Variants in DGKB observed in about 807,000 individuals in gnomAD.
DGKB encodes diacylglycerol kinase beta.
In DGKB, 67 loss-of-function variants were observed where a neutral mutation model predicts 114.3. The ratio of observed to expected loss-of-function variants is 0.59; its 90% CI spans 0.48 to 0.72. The LOEUF is 0.72. Ranked by LOEUF, DGKB falls within the 30% of genes least tolerant of loss-of-function variation. The pLI, the probability that DGKB is intolerant of heterozygous loss-of-function variation, is 0.00. For missense variants in DGKB, 907 were observed against 975.2 expected, an observed-to-expected ratio of 0.93 and a Z score of 0.93; for synonymous variants, 398 against 323.1, an observed-to-expected ratio of 1.23 and a Z score of -2.49.
At chr7:14,280,484 C>T (rs1409144656) in intron 23 of DGKB, among the ~76,000 whole-genome samples, 4 of 150,238 alleles carry the variant, frequency 2.7e-5, no homozygotes, top group African/African-American at 7.3e-5. Flanking sequence ...GGCAGGCCAA[C>T]ATTCAGATTC....
Position 14,406,130 on chromosome 7 carries a change from T to C in DGKB, c.1836-60739A>G, listed in dbSNP as rs555156308. Among the ~76,000 whole-genome samples the C allele has an allele frequency of 2.6e-5, 4 of 152,070 alleles. No individual in the cohort carries two copies. In the South Asian group the frequency reaches 6.2e-4, roughly 24 times the overall value. ...GCTGCCCCAGAGGGAGAAGGAGAGA[T>C]ACCTTGAAAATTTCCCTTAATCCCT... On this transcript the variant is annotated intron_variant, in intron 21 of 25. Coordinates refer to ENST00000402815, the MANE Select transcript of DGKB (RefSeq NM_001350709.2).
intron 13 of DGKB, among the ~76,000 whole-genome samples, chr7:14,662,728 T>A (rs1179948250): frequency 6.6e-6 from 1 of 151,936 alleles, no homozygotes; most frequent in African/African-American, 2.4e-5. Flanking sequence ...CATGGTATAT[T>A]CAGGTTAACT....
intron 20 of DGKB, among the ~76,000 whole-genome samples, chr7:14,489,510 A>G (rs1184849706): frequency 1.3e-5 from 2 of 152,202 alleles, no homozygotes; most frequent in African/African-American, 2.4e-5. Context: ...TATTCATTCA[A>G]TCTGATAAAA....
chr7:14,284,493 C>T (rs1800507223), intron 23 of DGKB, among the ~76,000 whole-genome samples: 1 of 145,124 alleles, frequency 6.9e-6, no homozygotes, highest in Non-Finnish European at 1.5e-5. Context: ...CCATTTGACC[C>T]AGCCATCCTA....
rs397732601 is a variant in DGKB at position 14,868,340 on chromosome 7, AT to A, written c.-187-26891del. 1.9e-3 allele frequency among the ~76,000 whole-genome samples: 274 copies of A among 144,420 alleles called. 2 individuals are homozygous for A. In the East Asian group the frequency reaches 0.022, roughly 12 times the overall value. 94.7% of individuals were successfully genotyped at this position (144,420 alleles called of 152,430 possible). The stretch of plus-strand genomic sequence containing the variant: ...AGACTTTCTTTTTTCTTTCCTTTTC[AT>A]TTTTTTTTTTTTAAGATGGCATCTC... On this transcript the variant is annotated intron_variant, in intron 1 of 25. Coordinates refer to ENST00000402815, the MANE Select transcript of DGKB (RefSeq NM_001350709.2).
At chr7:14,665,553 A>G (rs1429469312) in intron 13 of DGKB, among the ~76,000 whole-genome samples, 1 of 152,092 alleles carries the variant, frequency 6.6e-6, no homozygotes, top group Non-Finnish European at 1.5e-5. Context: ...TTTCTAAATT[A>G]TAACACAAAA....
intron 1 of DGKB, among the ~76,000 whole-genome samples, chr7:14,882,115 A>G (rs921418491): frequency 6.6e-6 from 1 of 152,054 alleles, no homozygotes; most frequent in Non-Finnish European, 1.5e-5. Flanking sequence ...AGAGATTTTC[A>G]TGGTCTCAAA....
chr7:14,448,341 A>T (rs537559331), intron 21 of DGKB, among the ~76,000 whole-genome samples: 7 of 152,050 alleles, frequency 4.6e-5, no homozygotes, highest in Non-Finnish European at 1.0e-4. Flanking sequence ...ATTTGGGGGT[A>T]GAGATGGGTG....
intron 20 of DGKB, among the ~76,000 whole-genome samples, chr7:14,499,292 A>T (rs1785766503): frequency 6.6e-6 from 1 of 151,682 alleles, no homozygotes; most frequent in Non-Finnish European, 1.5e-5. Context: ...ATCATTTATT[A>T]TTATTGCTTG....
intron 9 of DGKB, among the ~76,000 whole-genome samples, chr7:14,692,541 G>A (rs1024545591): frequency 4.0e-5 from 6 of 151,454 alleles, no homozygotes; most frequent in African/African-American, 1.2e-4. Flanking sequence ...TAAGGTACAT[G>A]AACAATTAAA....
intron 21 of DGKB, among the ~76,000 whole-genome samples, chr7:14,362,352 G>A (rs1432441055): frequency 6.6e-6 from 1 of 151,976 alleles, no homozygotes; most frequent in Admixed American, 6.6e-5. Flanking sequence ...TGAGACAGAT[G>A]AGAACAAATG....
chr7:14,734,442 G>A (rs573246073), intron 5 of DGKB, among the ~76,000 whole-genome samples: 1 of 152,156 alleles, frequency 6.6e-6, no homozygotes, highest in South Asian at 2.1e-4. Context: ...AGATTTTTAA[G>A]GTCAAAATAA....
chr7:14,388,865 C>T (rs1186706804), intron 21 of DGKB, among the ~76,000 whole-genome samples: 1 of 152,078 alleles, frequency 6.6e-6, no homozygotes, highest in African/African-American at 2.4e-5. Context: ...TGAACTCCTT[C>T]TCTCTCTCCT....
intron 17 of DGKB, among the ~76,000 whole-genome samples, chr7:14,594,758 G>C (rs1359798414): frequency 6.6e-6 from 1 of 152,076 alleles, no homozygotes; most frequent in Non-Finnish European, 1.5e-5. Flanking sequence ...AGCTTAGAGT[G>C]TGAAGTAAGA....
chr7:14,561,969 C>T (rs79364904), intron 20 of DGKB, among the ~76,000 whole-genome samples: 3,003 of 152,236 alleles, frequency 0.02, 105 homozygotes, highest in African/African-American at 0.067. Flanking sequence ...TCATCACAGG[C>T]CTGGGGGCCT....
At chr7:14,837,848 C>G (rs146108399) in intron 2 of DGKB, among the ~76,000 whole-genome samples, 508 of 152,266 alleles carry the variant, frequency 3.3e-3, no homozygotes, top group African/African-American at 0.011. Flanking sequence ...TCATGATATT[C>G]TTTGCTTCCT....
At chr7:14,927,563 A>G (rs2128249489) in intron 1 of DGKB, among the ~76,000 whole-genome samples, 1 of 152,138 alleles carries the variant, frequency 6.6e-6, no homozygotes, top group South Asian at 2.1e-4. Flanking sequence ...ATCTGGCAGT[A>G]TTAAACACAG....
At chr7:14,328,745 C>T (rs1254947041) in intron 23 of DGKB, among the ~76,000 whole-genome samples, 1 of 151,914 alleles carries the variant, frequency 6.6e-6, no homozygotes, top group Non-Finnish European at 1.5e-5. Flanking sequence ...CTAAAAAATG[C>T]TCCCCAGGGC....
At chr7:14,703,392 T>C (rs367710112) in intron 6 of DGKB, among the ~76,000 whole-genome samples, 21 of 152,306 alleles carry the variant, frequency 1.4e-4, no homozygotes, top group East Asian at 9.6e-4. Flanking sequence ...ATGGGTAGGA[T>C]ATATATAGAT....
Sources: allele counts gnomAD v4.1 joint callset (sites outside exome capture counted in the v4.1 genomes callset), GRCh38; gene constraint gnomAD v4.1.1; transcripts MANE v1.5; gene names NCBI Gene and HGNC (gene_info 2026-07-23, HGNC 2026-07-21).